The following USP32 variants were observed in gnomAD, a reference collection of about 807,000 sequenced individuals.
The protein encoded by USP32 is ubiquitin specific peptidase 32.
Under a neutral mutation model 204.8 loss-of-function variants are expected in USP32, and 59 were observed. The observed-to-expected ratio is 0.29, with a 90% CI of 0.23 to 0.36. USP32 has a LOEUF of 0.36. Ranked by LOEUF, USP32 falls within the 10% of genes least tolerant of loss-of-function variation. The pLI, the probability that USP32 is intolerant of heterozygous loss-of-function variation, is 1.00. For synonymous variants in USP32, 517 were observed against 678.4 expected (o/e 0.76, Z 3.70); for missense variants, 1,160 against 1,946.4 (o/e 0.60, Z 7.60).
At chr17:60,421,084 C>A (rs1167210619) in intron 1 of USP32, 1 of 152,296 alleles carries the variant, frequency 6.6e-6, no homozygotes, top group Non-Finnish European at 1.5e-5. Context: ...CATTGTTTAC[C>A]AATCTCACTG....
intron 1 of USP32, among the ~76,000 whole-genome samples, chr17:60,374,110 G>A (rs760112925): frequency 3.3e-5 from 5 of 151,902 alleles, no homozygotes; most frequent in Non-Finnish European, 5.9e-5. Flanking sequence ...CTTGAACCAG[G>A]GAGGCGGAGG....
chr17:60,205,769 G>A, intron 25 of USP32, 111 bp from the exon 26 acceptor site: 1 of 1,113,944 alleles, frequency 9.0e-7, no homozygotes, highest in Non-Finnish European at 1.3e-6. Flanking sequence ...ACACAGGGCA[G>A]GGAGAAATCA....
intron 5 of USP32, among the ~76,000 whole-genome samples, chr17:60,281,297 G>A (rs1340352381): frequency 1.3e-5 from 2 of 152,240 alleles, no homozygotes; most frequent in African/African-American, 4.8e-5. Flanking sequence ...CCAGCACTTC[G>A]GGAGGCCGAG....
intron 18 of USP32, 87 bp downstream of exon 18, chr17:60,213,494 T>C: frequency 1.6e-6 from 1 of 608,126 alleles, no homozygotes; most frequent in Non-Finnish European, 2.8e-6. Flanking sequence ...ATAGTTGTTT[T>C]GGAGAAAATT....
intron 17 of USP32, among the ~76,000 whole-genome samples, chr17:60,213,927 G>T (rs1390185481): frequency 6.6e-6 from 1 of 151,546 alleles, no homozygotes; most frequent in Non-Finnish European, 1.5e-5. Flanking sequence ...TTGGTTACAT[G>T]AATACGTTTT....
At chr17:60,189,177 G>A (rs2084318654) in intron 29 of USP32, among the ~76,000 whole-genome samples, 1 of 152,190 alleles carries the variant, frequency 6.6e-6, no homozygotes, top group Admixed American at 6.5e-5. Flanking sequence ...TAGAACATTA[G>A]TTTCTCTTCA....
At chr17:60,409,296 C>T (rs1407461588) in intron 1 of USP32, among the ~76,000 whole-genome samples, 2 of 152,112 alleles carry the variant, frequency 1.3e-5, no homozygotes, top group South Asian at 2.1e-4. Flanking sequence ...TGCAGTGAGC[C>T]GAAATCATGC....
chr17:60,362,194 A>C (rs922701560), intron 1 of USP32, among the ~76,000 whole-genome samples: 3 of 152,040 alleles, frequency 2.0e-5, no homozygotes, highest in Admixed American at 6.6e-5. Context: ...ACATCACATT[A>C]AAAAAAATCG....
chr17:60,276,269 G>A (rs1025717311), intron 5 of USP32, among the ~76,000 whole-genome samples: 3 of 152,000 alleles, frequency 2.0e-5, no homozygotes, highest in South Asian at 2.1e-4. Context: ...TGCTGTTTTC[G>A]TTTTTTAATG....
At position 60,283,701 on chromosome 17, in the gene USP32, A is replaced by C. The variant is rs545432467; in HGVS notation, c.571+4822T>G. On this transcript the variant is annotated intron_variant, in intron 5 of 33. Transcript: ENST00000300896. ...TTTTTTTTTTAATACCTTTAGGTGG[A>C]TCATGGCAGGGAAAGATGAATTCAC... Among the ~76,000 whole-genome samples the C allele has an allele frequency of 2.3e-3, 351 of 151,842 alleles. 2 individuals are homozygous for C. The highest frequency in any genetic ancestry group is 8.0e-3 in the African/African-American group (332 of 41,390).
chr17:60,206,253 T>G (rs201964870), intron 25 of USP32, among the ~76,000 whole-genome samples: 46,833 of 138,306 alleles, frequency 0.34, 13,114 homozygotes, highest in African/African-American at 0.83. Context: ...TAAGGCAGAG[T>G]CTGCAGTGAG....
chr17:60,233,222 C>G (rs2085621578), intron 12 of USP32, among the ~76,000 whole-genome samples: 1 of 152,112 alleles, frequency 6.6e-6, no homozygotes. Flanking sequence ...TCCTAGCACT[C>G]TGAGAGCCCA....
At chr17:60,337,604 T>C (rs1266312895) in intron 2 of USP32, among the ~76,000 whole-genome samples, 3 of 152,224 alleles carry the variant, frequency 2.0e-5, no homozygotes, top group African/African-American at 4.8e-5. Context: ...TGGCTGGGCA[T>C]AGTAGCTCAT....
intron 2 of USP32, among the ~76,000 whole-genome samples, chr17:60,312,971 C>G (rs539105441): frequency 5.3e-4 from 81 of 152,100 alleles, no homozygotes; most frequent in African/African-American, 1.9e-3. Flanking sequence ...TGGCTGGGCA[C>G]GGTGGCTCAT....
intron 1 of USP32, among the ~76,000 whole-genome samples, chr17:60,410,453 G>A (rs991889033): frequency 1.3e-5 from 2 of 152,062 alleles, no homozygotes; most frequent in Non-Finnish European, 2.9e-5. Flanking sequence ...CAGATCACAA[G>A]GTCAGGAGAT....
chr17:60,417,154 G>A (rs1481527808), intron 1 of USP32, among the ~76,000 whole-genome samples: 1 of 152,018 alleles, frequency 6.6e-6, no homozygotes, highest in African/African-American at 2.4e-5. Flanking sequence ...CTGACCTCAG[G>A]TGATCCACCC....
intron 3 of USP32, 118 bp downstream of exon 3, chr17:60,301,481 C>A (rs1384016302): frequency 5.2e-6 from 3 of 581,750 alleles, no homozygotes; most frequent in Non-Finnish European, 8.6e-6. Context: ...TGTTTATTTA[C>A]CACTTGTATA....
intron 1 of USP32, among the ~76,000 whole-genome samples, chr17:60,413,800 G>A (rs1022231320): frequency 6.7e-6 from 1 of 150,004 alleles, no homozygotes; most frequent in African/African-American, 2.5e-5. Flanking sequence ...AGGAGGCGGA[G>A]GTTGCAGTGA....
At chr17:60,389,180 T>C (rs1205642441) in intron 1 of USP32, among the ~76,000 whole-genome samples, 1 of 152,194 alleles carries the variant, frequency 6.6e-6, no homozygotes, top group Non-Finnish European at 1.5e-5. Context: ...AACCAATGAA[T>C]GCAGGTTTTA....
Sources: gnomAD v4.1 joint callset for allele counts (sites outside exome capture counted in the v4.1 genomes callset) on GRCh38, gnomAD v4.1.1 for gene constraint, MANE v1.5 for transcripts, NCBI Gene and HGNC (gene_info 2026-07-23, HGNC 2026-07-21) for gene names.